Variants in ZNF385D observed in about 807,000 individuals in gnomAD.
ZNF385D encodes the protein zinc finger protein 385D, also known as zinc finger protein 659.
In ZNF385D, 15 loss-of-function variants were observed where a neutral mutation model predicts 35.8. That is an observed-to-expected ratio of 0.42 (90% CI 0.28 to 0.64). ZNF385D has a LOEUF of 0.64. Ranked by LOEUF, ZNF385D falls within the 30% of genes least tolerant of loss-of-function variation. The pLI is 0.23. For synonymous variants in ZNF385D, 212 were observed against 186.8 expected, an observed-to-expected ratio of 1.13 and a Z score of -1.10; for missense variants, 474 against 494.6, an observed-to-expected ratio of 0.96 and a Z score of 0.39.
intron 3 of ZNF385D, among the ~76,000 whole-genome samples, chr3:22,020,460 G>C (rs1024083324): frequency 6.6e-6 from 1 of 151,836 alleles, no homozygotes; most frequent in South Asian, 2.1e-4. Context: ...ACATAGATAA[G>C]GCTCTAAACA....
At chr3:22,178,339 T>C (rs1694976507) in intron 2 of ZNF385D, among the ~76,000 whole-genome samples, 1 of 152,240 alleles carries the variant, frequency 6.6e-6, no homozygotes. Flanking sequence ...TGGCCAGTGA[T>C]GATAAGCATT....
chr3:21,626,598 T>C (rs926473419), intron 2 of ZNF385D, among the ~76,000 whole-genome samples: 3 of 152,050 alleles, frequency 2.0e-5, no homozygotes, highest in Admixed American at 2.0e-4. Flanking sequence ...GCCATTACTA[T>C]ATGGGTGGCC....
intron 3 of ZNF385D, among the ~76,000 whole-genome samples, chr3:22,103,614 C>G (rs1019838562): frequency 6.6e-6 from 1 of 152,006 alleles, no homozygotes; most frequent in African/African-American, 2.4e-5. Context: ...ATCTGAGTGA[C>G]CAACAAAATG....
chr3:22,173,857 G>A (rs960803131), intron 2 of ZNF385D, among the ~76,000 whole-genome samples: 3 of 152,154 alleles, frequency 2.0e-5, no homozygotes, highest in African/African-American at 4.8e-5. Flanking sequence ...AAACGGTTGA[G>A]GGTTGAAAAA....
At chr3:21,944,149 C>A (rs529994784) in intron 3 of ZNF385D, among the ~76,000 whole-genome samples, 1 of 152,286 alleles carries the variant, frequency 6.6e-6, no homozygotes, top group Non-Finnish European at 1.5e-5. Context: ...CTCTTCTTTT[C>A]TACAGTCTTA....
chr3:21,821,169 T>C (rs1305782336), intron 3 of ZNF385D, among the ~76,000 whole-genome samples: 1 of 151,986 alleles, frequency 6.6e-6, no homozygotes, highest in Non-Finnish European at 1.5e-5. Flanking sequence ...AGTTATTTTA[T>C]GAGACAAGAA....
At chr3:22,210,974 CAA>C (rs1410216953) in intron 2 of ZNF385D, among the ~76,000 whole-genome samples, 2 of 151,862 alleles carry the variant, frequency 1.3e-5, no homozygotes, top group Non-Finnish European at 2.9e-5. Context: ...TTCCTTAAAA[CAA>C]GTTTTGAAAA....
chr3:22,209,927 C>T lies in ZNF385D; in HGVS notation c.107-40892G>A, dbSNP rs114912006. Among the ~76,000 whole-genome samples the T allele has an allele frequency of 5.7e-3, 871 of 151,838 alleles. 10 individuals are homozygous for T. The highest frequency in any genetic ancestry group is 0.017 in the African/African-American group (709 of 41,482). Reference sequence around the variant, plus strand: ...GAAGACCGATTGTTTACCTTAGTAACGGGACACAGACAATTTCTTAATTTC... The same window carrying T: ...GAAGACCGATTGTTTACCTTAGTAATGGGACACAGACAATTTCTTAATTTC... On this transcript the variant is annotated intron_variant, in intron 2 of 5. Coordinates refer to the ZNF385D transcript ENST00000494108.
At chr3:21,826,139 T>C (rs1694607495) in intron 3 of ZNF385D, among the ~76,000 whole-genome samples, 1 of 152,174 alleles carries the variant, frequency 6.6e-6, no homozygotes, top group Non-Finnish European at 1.5e-5. Context: ...TTAAGTTGCT[T>C]TGACCAGAAG....
chr3:22,226,673 C>A (rs1217340995), intron 2 of ZNF385D, among the ~76,000 whole-genome samples: 1 of 152,132 alleles, frequency 6.6e-6, no homozygotes, highest in African/African-American at 2.4e-5. Context: ...TCAACACTTG[C>A]CTCTTTTGAA....
At chr3:22,139,730 C>G (rs975960708) in intron 3 of ZNF385D, among the ~76,000 whole-genome samples, 1 of 151,672 alleles carries the variant, frequency 6.6e-6, no homozygotes, top group Non-Finnish European at 1.5e-5. Context: ...CAAACCTGCA[C>G]GTTATGCACA....
At chr3:22,326,204 T>C (rs1231447687) in intron 2 of ZNF385D, among the ~76,000 whole-genome samples, 3 of 152,214 alleles carry the variant, frequency 2.0e-5, no homozygotes, top group Non-Finnish European at 4.4e-5. Context: ...CTTCAATTAC[T>C]ATACCCCTGT....
At chr3:21,797,286 G>T (rs1054968916) in intron 3 of ZNF385D, among the ~76,000 whole-genome samples, 2 of 152,088 alleles carry the variant, frequency 1.3e-5, no homozygotes, top group African/African-American at 4.8e-5. Context: ...ATTGTGAGAT[G>T]GATGTCACTA....
At chr3:21,994,016 T>G (rs1695311304) in intron 3 of ZNF385D, among the ~76,000 whole-genome samples, 2 of 152,174 alleles carry the variant, frequency 1.3e-5, no homozygotes, top group Admixed American at 1.3e-4. Flanking sequence ...GGTTTCTCCT[T>G]TCCAAGACCC....
chr3:21,936,749 T>C (rs1014959632), intron 3 of ZNF385D, among the ~76,000 whole-genome samples: 2 of 152,146 alleles, frequency 1.3e-5, no homozygotes, highest in Non-Finnish European at 2.9e-5. Flanking sequence ...AAAGCTAAAA[T>C]TTTAAAAAAT....
rs1468192163 is a variant in ZNF385D at position 21,861,491 on chromosome 3, C to A, written c.326-196463G>T. 4.6e-5 allele frequency among the ~76,000 whole-genome samples: 7 copies of A among 152,148 alleles called. No homozygotes were observed. The East Asian group carries it at 7.8e-4, about 17-fold the overall frequency. On this transcript the variant is annotated intron_variant, in intron 3 of 5. Coordinates refer to the ZNF385D transcript ENST00000494108. ...TGAGGAGTGCAAATTTAGATAAATA[C>A]AATTAATGGAAAATGTCTACGGGGA...
intron 3 of ZNF385D, among the ~76,000 whole-genome samples, chr3:22,119,649 G>C (rs1200311827): frequency 6.6e-6 from 1 of 152,046 alleles, no homozygotes; most frequent in Non-Finnish European, 1.5e-5. Flanking sequence ...GGTTACTTCA[G>C]CCACTGTGCA....
intron 3 of ZNF385D, among the ~76,000 whole-genome samples, chr3:21,896,597 C>T (rs372899156): frequency 6.6e-6 from 1 of 152,084 alleles, no homozygotes; most frequent in Non-Finnish European, 1.5e-5. Context: ...TATAAAAGAG[C>T]TTCCTATTTA....
At chr3:21,559,832 C>T (rs895052755) in intron 3 of ZNF385D, among the ~76,000 whole-genome samples, 4 of 152,140 alleles carry the variant, frequency 2.6e-5, no homozygotes, top group Non-Finnish European at 5.9e-5. Flanking sequence ...CACATATTCG[C>T]ATATTTCTTG....
Sources: gnomAD v4.1 joint callset for allele counts (sites outside exome capture counted in the v4.1 genomes callset) on GRCh38, gnomAD v4.1.1 for gene constraint, MANE v1.5 for transcripts, NCBI Gene and HGNC (gene_info 2026-07-23, HGNC 2026-07-21) for gene names.